The following ARMH4 variants were observed in gnomAD, a reference collection of about 807,000 sequenced individuals.
ARMH4 encodes armadillo-like helical domain-containing protein 4.
Under a neutral mutation model 61.9 loss-of-function variants are expected in ARMH4, and 49 were observed. That is an observed-to-expected ratio of 0.79 (90% CI 0.63 to 1.00). The LOEUF (loss-of-function observed/expected upper bound fraction) is 1.00. Ranked by LOEUF, ARMH4 falls within the 50% of genes least tolerant of loss-of-function variation. ARMH4 has a pLI of 0.00. For synonymous variants in ARMH4, 368 were observed against 341.5 expected (o/e 1.08, Z -0.85); for missense variants, 934 against 930.0 (o/e 1.00, Z -0.06).
chr14:58,047,947 C>T (rs1341436433), intron 5 of ARMH4, among the ~76,000 whole-genome samples: 2 of 152,072 alleles, frequency 1.3e-5, no homozygotes, highest in Admixed American at 1.3e-4. Context: ...CCAAGGAAAC[C>T]AGGCAAGTGA....
chr14:58,123,123 C>T (rs1422905493), intron 4 of ARMH4, among the ~76,000 whole-genome samples: 3 of 152,180 alleles, frequency 2.0e-5, no homozygotes, highest in Admixed American at 2.0e-4. Context: ...GACTGAGGAG[C>T]TTTACTCTTT....
At position 58,138,390 on chromosome 14, in the gene ARMH4, G is replaced by T. The variant is rs755920384; in HGVS notation, c.969C>A (p.Ser323Arg). 1.9e-6 allele frequency: 3 copies of T among 1,614,034 alleles called. No individual in the cohort carries two copies. Among genetic ancestry groups the T allele is most frequent in the Non-Finnish European group, 2.5e-6 (3 of 1,180,050 alleles). ...CTCCAAGCTTGGGGGTCCTTATCCG[G>T]CTTACACTCTCTAATTTGGTGTCAT... is the stretch of plus-strand genomic sequence containing the variant. Reference protein sequence around the residue: ...EWDDTKLESVSRIRTPKLGDN... With the variant: ...EWDDTKLESVRRIRTPKLGDN... Residue 323 changes from serine to arginine, a missense_variant, in exon 2 of 8, where the codon AGC becomes AGA. Physicochemically the swap from Ser to Arg is moderately radical, Grantham distance 110 (BLOSUM62 -1). Transcript: ENST00000267485.
At chr14:58,134,115 T>C (rs1887222634) in intron 2 of ARMH4, among the ~76,000 whole-genome samples, 1 of 152,370 alleles carries the variant, frequency 6.6e-6, no homozygotes, top group East Asian at 1.9e-4. Context: ...ACCTAGTATT[T>C]GGTAAGTATT....
intron 2 of ARMH4, 34 bp downstream of exon 2, chr14:58,137,956 A>T: frequency 6.4e-7 from 1 of 1,563,896 alleles, no homozygotes; most frequent in Non-Finnish European, 8.6e-7. Flanking sequence ...TTCCAAATTA[A>T]ACCAAAGTTT....
At chr14:58,121,932 C>A (rs1594769846) in intron 4 of ARMH4, among the ~76,000 whole-genome samples, 1 of 152,276 alleles carries the variant, frequency 6.6e-6, no homozygotes, top group East Asian at 1.9e-4. Flanking sequence ...TTCAACAGAA[C>A]AGGCAACTGG....
In ARMH4 at chr14:58,056,986, C is replaced by G. The variant is rs567832421; in HGVS notation, c.2089+39738G>C. 5.9e-5 allele frequency among the ~76,000 whole-genome samples: 9 copies of G among 152,236 alleles called. No homozygotes were observed. The South Asian group carries it at 1.5e-3, about 25-fold the overall frequency. On this transcript the variant is annotated intron_variant, in intron 5 of 7. Coordinates refer to ENST00000267485, the MANE Select transcript of ARMH4 (RefSeq NM_001001872.4). ...CTCTCCTTCCTTCCCACCAACCATA[C>G]CCCAGACATCAACAATGCCCTACTA...
intron 5 of ARMH4, among the ~76,000 whole-genome samples, chr14:58,059,834 A>T (rs1884471769): frequency 6.6e-6 from 1 of 152,172 alleles, no homozygotes; most frequent in Non-Finnish European, 1.5e-5. Context: ...CAGCATACAA[A>T]GCCCTAGACA....
intron 3 of ARMH4, 22 bp downstream of exon 3, chr14:58,133,068 T>A (rs1162376414): frequency 7.4e-6 from 12 of 1,612,838 alleles, no homozygotes; most frequent in Non-Finnish European, 1.0e-5. Flanking sequence ...CAAAACAGAG[T>A]CCAATATCCT....
intron 5 of ARMH4, among the ~76,000 whole-genome samples, chr14:58,067,323 A>C (rs1884735991): frequency 6.6e-6 from 1 of 152,228 alleles, no homozygotes; most frequent in South Asian, 2.1e-4. Context: ...ACATGTGAAT[A>C]AACAAAGTGT....
intron 1 of ARMH4, among the ~76,000 whole-genome samples, chr14:58,140,970 G>C (rs2139986936): frequency 6.6e-6 from 1 of 152,090 alleles, no homozygotes; most frequent in East Asian, 1.9e-4. Context: ...CAGCAAAAAG[G>C]TGCCTTCTAT....
chr14:58,064,446 G>T (rs909252943), intron 5 of ARMH4, among the ~76,000 whole-genome samples: 1 of 152,196 alleles, frequency 6.6e-6, no homozygotes, highest in Non-Finnish European at 1.5e-5. Flanking sequence ...TTATCAAGGA[G>T]TAAGAATGCT....
At chr14:58,021,608 C>G (rs1453022051) in intron 5 of ARMH4, among the ~76,000 whole-genome samples, 1 of 152,152 alleles carries the variant, frequency 6.6e-6, no homozygotes, top group Non-Finnish European at 1.5e-5. Flanking sequence ...CCTGGGCACC[C>G]ATGGTCCAGT....
At chr14:58,104,626 A>G (rs1449743931) in intron 4 of ARMH4, among the ~76,000 whole-genome samples, 1 of 152,218 alleles carries the variant, frequency 6.6e-6, no homozygotes, top group Admixed American at 6.5e-5. Flanking sequence ...TCAATTACCA[A>G]TAGAACCTAC....
chr14:58,036,995 A>C lies in ARMH4; in HGVS notation c.2090-24845T>G, dbSNP rs926807200. Among the ~76,000 whole-genome samples the C allele has an allele frequency of 2.8e-5, 3 of 107,392 alleles. 1 individual carries two copies. Among genetic ancestry groups the C allele is most frequent in the African/African-American group, 1.0e-4 (3 of 29,876 alleles). The allele number at this position is 107,392 out of a possible 152,430, so 70.5% of individuals were successfully genotyped here. On this transcript the variant is annotated intron_variant, in intron 5 of 7. Coordinates refer to ENST00000267485, the MANE Select transcript of ARMH4 (RefSeq NM_001001872.4). ...ACTGCCCAAGGTAATTTACAGATTC[A>C]ATGCCATCCCCATCAAGCTACCAAT...
At chr14:58,137,948 C>G (rs1341057392) in intron 2 of ARMH4, 42 bp downstream of exon 2, 1 of 1,552,870 alleles carries the variant, frequency 6.4e-7, no homozygotes. Context: ...TTGAAAGTTT[C>G]CAAATTAAAC....
intron 1 of ARMH4, among the ~76,000 whole-genome samples, chr14:58,141,893 A>G (rs568213649): frequency 3.3e-5 from 5 of 152,370 alleles, no homozygotes; most frequent in Admixed American, 3.3e-4. Flanking sequence ...CAAGGTTAAT[A>G]GTTTCAGAAA....
At chr14:58,111,801 T>C (rs568358521) in intron 4 of ARMH4, among the ~76,000 whole-genome samples, 3 of 152,034 alleles carry the variant, frequency 2.0e-5, no homozygotes, top group Non-Finnish European at 4.4e-5. Context: ...CAAGCAATCC[T>C]CCTACCTCAG....
intron 5 of ARMH4, among the ~76,000 whole-genome samples, chr14:58,084,554 T>C (rs1594747488): frequency 6.6e-6 from 1 of 152,186 alleles, no homozygotes. Flanking sequence ...TGACTTCAGG[T>C]ATTTACCCCC....
At chr14:58,144,663 T>C (rs1239312463) in intron 1 of ARMH4, among the ~76,000 whole-genome samples, 3 of 152,112 alleles carry the variant, frequency 2.0e-5, no homozygotes, top group Admixed American at 6.5e-5. Context: ...GCCAGGAGAT[T>C]GAGACCATCC....
Sources: allele counts gnomAD v4.1 joint callset (sites outside exome capture counted in the v4.1 genomes callset), GRCh38; gene constraint gnomAD v4.1.1; transcripts MANE v1.5; gene names NCBI Gene and HGNC (gene_info 2026-07-23, HGNC 2026-07-21).